SEMA5A: variants seen among roughly 807,000 people sequenced by gnomAD.
SEMA5A encodes the protein semaphorin 5A.
SEMA5A carries 55 observed loss-of-function variants against 135.5 expected under a neutral mutation model. That is an observed-to-expected ratio of 0.41 (90% confidence interval 0.33 to 0.51). SEMA5A has a LOEUF of 0.51. SEMA5A is among the 20% of genes least tolerant of loss of function. SEMA5A has a pLI of 0.37. For missense variants in SEMA5A, 1,290 were observed against 1,419.9 expected (o/e 0.91, Z 1.47); for synonymous variants, 580 against 546.5 (o/e 1.06, Z -0.85).
chr5:9,408,051 C>T (rs898247564), intron 2 of SEMA5A, among the ~76,000 whole-genome samples: 1 of 151,764 alleles, frequency 6.6e-6, no homozygotes, highest in African/African-American at 2.4e-5. Flanking sequence ...TCACTATGAC[C>T]ATCACCACTA....
chr5:9,142,782 C>A (rs899310912), intron 12 of SEMA5A, among the ~76,000 whole-genome samples: 2 of 152,162 alleles, frequency 1.3e-5, no homozygotes, highest in Non-Finnish European at 2.9e-5. Context: ...GCTTGGTCAA[C>A]ATAGTCTTGA....
chr5:9,124,128 A>T (rs1286058193), intron 13 of SEMA5A, among the ~76,000 whole-genome samples: 1 of 151,914 alleles, frequency 6.6e-6, no homozygotes, highest in Non-Finnish European at 1.5e-5. Context: ...CTGAGGAGGA[A>T]CCCAGGGCAG....
At chr5:9,162,873 G>C (rs1242064650) in intron 11 of SEMA5A, among the ~76,000 whole-genome samples, 9 of 152,042 alleles carry the variant, frequency 5.9e-5, no homozygotes, top group Admixed American at 5.9e-4. Context: ...TCAGACTACT[G>C]GGCCAGAGTT....
intron 1 of SEMA5A, among the ~76,000 whole-genome samples, chr5:9,466,103 G>A (rs16882852): frequency 0.15 from 22,676 of 152,036 alleles, 1,879 homozygotes; most frequent in Non-Finnish European, 0.18. Flanking sequence ...AGTTGGGGGT[G>A]CAAGTATCTG....
rs194260 is a variant in SEMA5A, at chr5:9,356,036, T to G, written c.125-18224A>C. Among the ~76,000 whole-genome samples, 49 of 152,290 alleles carry G rather than the reference T, an allele frequency of 3.2e-4. No individual in the cohort carries two copies. In the East Asian group the frequency reaches 9.3e-3, roughly 29 times the overall value. ...TATCTTCATACAGGCTTTTAAGGAC[T>G]TCCCAATTGGATTCTGTTTCTACTG... is the stretch of plus-strand genomic sequence containing the variant. On this transcript the variant is annotated intron_variant, in intron 3 of 22. Transcript: ENST00000382496.
At chr5:9,230,418 C>A (rs1806022) in intron 6 of SEMA5A, among the ~76,000 whole-genome samples, 44,476 of 151,884 alleles carry the variant, frequency 0.29, 6,799 homozygotes, top group Middle Eastern at 0.39. Context: ...AGGGGCAGTG[C>A]AAACCCAGCT....
chr5:9,489,487 A>T (rs1376820057), intron 1 of SEMA5A, among the ~76,000 whole-genome samples: 5 of 152,144 alleles, frequency 3.3e-5, no homozygotes, highest in African/African-American at 9.7e-5. Flanking sequence ...ATGGCGGTAA[A>T]TGTATTTTGC....
intron 5 of SEMA5A, among the ~76,000 whole-genome samples, chr5:9,276,922 A>G (rs1750293706): frequency 6.6e-6 from 1 of 152,224 alleles, no homozygotes; most frequent in Non-Finnish European, 1.5e-5. Flanking sequence ...CATGACTAAA[A>G]CACCAAAAGC....
intron 10 of SEMA5A, 48 bp downstream of exon 10, chr5:9,197,120 T>C (rs764396696): frequency 1.2e-6 from 2 of 1,611,132 alleles, no homozygotes; most frequent in African/African-American, 1.3e-5. Context: ...GGCTTCTGCA[T>C]TCTTCATGGG....
At chr5:9,478,132 C>T (rs1392071259) in intron 1 of SEMA5A, among the ~76,000 whole-genome samples, 3 of 152,206 alleles carry the variant, frequency 2.0e-5, no homozygotes, top group Admixed American at 6.5e-5. Context: ...GCAGCTTCCA[C>T]GTGGTGTTCA....
chr5:9,129,746 T>C (rs911966000), intron 13 of SEMA5A, among the ~76,000 whole-genome samples: 4 of 152,180 alleles, frequency 2.6e-5, no homozygotes, highest in Admixed American at 2.6e-4. Flanking sequence ...GTGAGACATA[T>C]ACCATGTAGT....
chr5:9,050,450 A>G lies in SEMA5A; in HGVS notation c.2853T>C (p.Ser951=), dbSNP rs374478981. The change falls in exon 21 of 23, where the codon TCT becomes TCC. Residue 951 remains serine, a synonymous_variant. Coordinates refer to ENST00000382496, the MANE Select transcript of SEMA5A (RefSeq NM_003966.3). ...VFDSNFIPEV[S]VARSSSVEEK... ...CTTCTACGCTACTGGATCTTGCCAC[A>G]GATACTTCTGGAAAAAGAAAAGTCG... is the stretch of plus-strand genomic sequence containing the variant. 35 of 1,612,690 alleles carry G rather than the reference A, an allele frequency of 2.2e-5. No homozygotes were observed. The highest frequency in any genetic ancestry group is 2.9e-5 in the Non-Finnish European group (34 of 1,179,396).
intron 16 of SEMA5A, among the ~76,000 whole-genome samples, chr5:9,082,191 G>A (rs1738423874): frequency 6.6e-6 from 1 of 152,074 alleles, no homozygotes; most frequent in Admixed American, 6.6e-5. Context: ...TGAAAATAGG[G>A]GTGCATCCCT....
chr5:9,281,378 C>A (rs757672980), intron 5 of SEMA5A, among the ~76,000 whole-genome samples: 1 of 152,038 alleles, frequency 6.6e-6, no homozygotes, highest in Non-Finnish European at 1.5e-5. Context: ...ATAGTTTTGC[C>A]CCCCCAGGGG....
chr5:9,328,692 C>T (rs986456708), intron 4 of SEMA5A, among the ~76,000 whole-genome samples: 9 of 152,146 alleles, frequency 5.9e-5, no homozygotes, highest in African/African-American at 2.2e-4. Context: ...AGGAGAATTG[C>T]TTGAACCAAG....
intron 5 of SEMA5A, among the ~76,000 whole-genome samples, chr5:9,291,080 C>T (rs1357556060): frequency 6.6e-6 from 1 of 152,136 alleles, no homozygotes; most frequent in Non-Finnish European, 1.5e-5. Context: ...AACAGAATTT[C>T]CCATTTTCTT....
At chr5:9,158,082 T>A (rs1743053477) in intron 11 of SEMA5A, among the ~76,000 whole-genome samples, 2 of 152,202 alleles carry the variant, frequency 1.3e-5, no homozygotes. Flanking sequence ...AGAGATTAGA[T>A]GTTTCATGAA....
At chr5:9,405,647 AT>A (rs1413572753) in intron 2 of SEMA5A, among the ~76,000 whole-genome samples, 2 of 152,320 alleles carry the variant, frequency 1.3e-5, no homozygotes, top group East Asian at 3.9e-4. Context: ...CTCTTGGGGC[AT>A]TTGCAAGGAG....
chr5:9,352,687 C>T (rs1754181699), intron 3 of SEMA5A, among the ~76,000 whole-genome samples: 1 of 152,344 alleles, frequency 6.6e-6, no homozygotes. Flanking sequence ...TCATCTTTAA[C>T]ATTTATGAAA....
Sources: gnomAD v4.1 joint callset for allele counts (sites outside exome capture counted in the v4.1 genomes callset) on GRCh38, gnomAD v4.1.1 for gene constraint, MANE v1.5 for transcripts, NCBI Gene and HGNC (gene_info 2026-07-23, HGNC 2026-07-21) for gene names.